The following HDX variants were observed in gnomAD, a reference collection of about 807,000 sequenced individuals.
HDX encodes the protein chromosome X open reading frame 43.
Under a neutral mutation model 45.2 loss-of-function variants are expected in HDX, and 19 were observed. That is an observed-to-expected ratio of 0.42 (90% CI 0.29 to 0.62). HDX has a LOEUF of 0.62. Among genes scored for constraint, HDX ranks in the 20% least tolerant of loss-of-function variants. HDX has a pLI of 0.20. For synonymous variants in HDX, 188 were observed against 172.8 expected, an observed-to-expected ratio of 1.09 and a Z score of -0.69; for missense variants, 532 against 493.9, an observed-to-expected ratio of 1.08 and a Z score of -0.73.
chrX:84,393,526 T>G (rs781376920), intron 5 of HDX, among the ~76,000 whole-genome samples: 8 of 111,556 alleles, frequency 7.2e-5, no homozygotes, highest in African/African-American at 2.3e-4. Context: ...ATCATAGTAA[T>G]GCTGGCATTA....
At chrX:84,351,041 AT>A (rs1821576556) in intron 6 of HDX, among the ~76,000 whole-genome samples, 2 of 109,771 alleles carry the variant, frequency 1.8e-5, no homozygotes, top group East Asian at 5.8e-4. Flanking sequence ...CTATCTATCT[AT>A]CTATCTATCT....
At chrX:84,329,003 C>G (rs1282070960) in intron 9 of HDX, among the ~76,000 whole-genome samples, 1 of 112,035 alleles carries the variant, frequency 8.9e-6, no homozygotes, top group Admixed American at 9.5e-5. Context: ...AGGTCAAACA[C>G]AGATTCAAAG....
chrX:84,395,742 G>A (rs1216073333), intron 5 of HDX, among the ~76,000 whole-genome samples: 2 of 111,654 alleles, frequency 1.8e-5, no homozygotes, highest in Non-Finnish European at 3.8e-5. Flanking sequence ...TGTTCCATAT[G>A]TAATGTAGGC....
At chrX:84,441,760 T>C (rs1341278399) in intron 4 of HDX, among the ~76,000 whole-genome samples, 1 of 111,477 alleles carries the variant, frequency 9.0e-6, no homozygotes, top group Non-Finnish European at 1.9e-5. Context: ...AAATACTTTC[T>C]GATAATTTCC....
At chrX:84,357,858 G>T (rs1361272890) in intron 6 of HDX, among the ~76,000 whole-genome samples, 2 of 112,306 alleles carry the variant, frequency 1.8e-5, no homozygotes, top group African/African-American at 6.5e-5. Flanking sequence ...GGATATAAGT[G>T]AACAGATCTC....
At chrX:84,358,397 C>A (rs1471267662) in intron 6 of HDX, among the ~76,000 whole-genome samples, 1 of 111,719 alleles carries the variant, frequency 9.0e-6, no homozygotes. Context: ...AGAACACATG[C>A]TCTACATTTC....
intron 9 of HDX, among the ~76,000 whole-genome samples, chrX:84,330,886 T>A (rs2036828682): frequency 8.9e-6 from 1 of 112,418 alleles, no homozygotes; most frequent in African/African-American, 3.2e-5. Context: ...CAGTAATTTA[T>A]GTATACTTTC....
intron 5 of HDX, among the ~76,000 whole-genome samples, chrX:84,363,510 C>A (rs760083880): frequency 1.8e-5 from 2 of 111,939 alleles, no homozygotes; most frequent in African/African-American, 3.2e-5. Flanking sequence ...ATGATTCATT[C>A]TTTAAACTGA....
intron 5 of HDX, among the ~76,000 whole-genome samples, chrX:84,435,381 G>A (rs2039600163): frequency 9.0e-6 from 1 of 110,893 alleles, no homozygotes; most frequent in Admixed American, 9.6e-5. Flanking sequence ...GTCTGTTCAT[G>A]TCCTTTGCCC....
chrX:84,354,431 C>A (rs781162730), intron 6 of HDX, among the ~76,000 whole-genome samples: 1 of 111,110 alleles, frequency 9.0e-6, no homozygotes, highest in Non-Finnish European at 1.9e-5. Context: ...GATATTCATT[C>A]ATTCATTCCA....
intron 5 of HDX, among the ~76,000 whole-genome samples, chrX:84,369,835 T>C (rs2037850556): frequency 8.9e-6 from 1 of 112,058 alleles, no homozygotes; most frequent in Non-Finnish European, 1.9e-5. Context: ...TAAAAATATA[T>C]TCCTGATATT....
intron 10 of HDX, among the ~76,000 whole-genome samples, chrX:84,324,269 A>C (rs1330052371): frequency 1.8e-5 from 2 of 111,421 alleles, no homozygotes; most frequent in Admixed American, 9.6e-5. Context: ...AGAAAACTGA[A>C]GATCTTTTTT....
chrX:84,464,239 G>T (rs1277789157), intron 4 of HDX, among the ~76,000 whole-genome samples: 1 of 111,031 alleles, frequency 9.0e-6, no homozygotes, highest in Non-Finnish European at 1.9e-5. Flanking sequence ...CGTGAAAATG[G>T]TCATAGTGCC....
At chrX:84,323,852 A>G in intron 10 of HDX, among the ~76,000 whole-genome samples, 1 of 112,650 alleles carries the variant, frequency 8.9e-6, no homozygotes, top group South Asian at 3.6e-4. Context: ...GGTCTGACCT[A>G]CGGTCATTTT....
intron 5 of HDX, among the ~76,000 whole-genome samples, chrX:84,388,659 G>A (rs757229613): frequency 9.0e-5 from 10 of 111,622 alleles, no homozygotes; most frequent in East Asian, 8.4e-4. Context: ...TTTGGTTTAC[G>A]TCTTTCTTAA....
At chrX:84,422,076 G>A (rs1184432681) in intron 5 of HDX, among the ~76,000 whole-genome samples, 1 of 109,747 alleles carries the variant, frequency 9.1e-6, no homozygotes, top group African/African-American at 3.3e-5. Context: ...TCATCCAGCA[G>A]CTGCAGAATA....
chrX:84,403,233 C>A (rs1456490221), intron 5 of HDX, among the ~76,000 whole-genome samples: 1 of 67,536 alleles, frequency 1.5e-5, no homozygotes, highest in Non-Finnish European at 3.5e-5. Context: ...AAGCATTAAA[C>A]ATTCTAAATC....
At chrX:84,448,328 G>C (rs148734467) in intron 4 of HDX, among the ~76,000 whole-genome samples, 2 of 111,145 alleles carry the variant, frequency 1.8e-5, no homozygotes, top group African/African-American at 6.6e-5. Context: ...CAGCACCTGA[G>C]GAAGCTGGCT....
chrX:84,431,542 T>G (rs1306122314), intron 5 of HDX, among the ~76,000 whole-genome samples: 2 of 111,591 alleles, frequency 1.8e-5, no homozygotes, highest in Non-Finnish European at 3.8e-5. Flanking sequence ...ATAATAGCTA[T>G]TCTGACTAGT....
Sources: allele counts gnomAD v4.1 joint callset (sites outside exome capture counted in the v4.1 genomes callset), GRCh38; gene constraint gnomAD v4.1.1; transcripts MANE v1.5; gene names NCBI Gene and HGNC (gene_info 2026-07-23, HGNC 2026-07-21).